The following CADPS2 variants were observed in gnomAD, a reference collection of about 807,000 sequenced individuals.
The protein encoded by CADPS2 is calcium-dependent secretion activator 2.
A neutral mutation model predicts 172.5 loss-of-function variants in CADPS2; 93 were observed. The ratio of observed to expected loss-of-function variants is 0.54; its 90% CI spans 0.46 to 0.64. CADPS2 has a LOEUF of 0.64. CADPS2 is among the 30% of genes least tolerant of loss of function. The pLI is 0.00. For missense variants in CADPS2, 1,420 were observed against 1,565.9 expected (o/e 0.91, Z 1.57); for synonymous variants, 546 against 555.2 (o/e 0.98, Z 0.23).
chr7:122,844,336 C>T (rs1426671931), intron 1 of CADPS2, among the ~76,000 whole-genome samples: 1 of 152,168 alleles, frequency 6.6e-6, no homozygotes, highest in Admixed American at 6.5e-5. Flanking sequence ...AAAAACATCC[C>T]GCTTGCCCTT....
chr7:122,541,790 T>C (rs1440638883), intron 8 of CADPS2, among the ~76,000 whole-genome samples: 28 of 114,108 alleles, frequency 2.5e-4, no homozygotes, highest in Admixed American at 2.4e-3. Flanking sequence ...TTCATATATT[T>C]ATATATTCAT....
intron 1 of CADPS2, among the ~76,000 whole-genome samples, chr7:122,756,960 T>C (rs2093188874): frequency 6.6e-6 from 1 of 151,540 alleles, no homozygotes; most frequent in African/African-American, 2.4e-5. Flanking sequence ...CTCAAGTTCA[T>C]ATCTTTAAGT....
chr7:122,648,553 G>A (rs374716260), intron 3 of CADPS2, among the ~76,000 whole-genome samples: 2 of 151,774 alleles, frequency 1.3e-5, no homozygotes, highest in South Asian at 2.1e-4. Context: ...CGAGTAGAAC[G>A]GGCACTGTGT....
chr7:122,578,162 C>T (rs1044466933), intron 7 of CADPS2, among the ~76,000 whole-genome samples: 7 of 150,570 alleles, frequency 4.6e-5, no homozygotes, highest in African/African-American at 1.7e-4. Flanking sequence ...TGTATATATA[C>T]ACACATACAT....
intron 1 of CADPS2, among the ~76,000 whole-genome samples, chr7:122,792,611 A>G (rs948160393): frequency 2.8e-4 from 43 of 152,218 alleles, no homozygotes; most frequent in African/African-American, 1.0e-3. Flanking sequence ...AGATACACCT[A>G]TAAGATTAAC....
At chr7:122,645,658 GATATATATAT>G (rs71161314) in intron 3 of CADPS2, among the ~76,000 whole-genome samples, 7 of 106,656 alleles carry the variant, frequency 6.6e-5, no homozygotes, top group Admixed American at 4.2e-4. Flanking sequence ...ATATCTCTAA[GATATATATAT>G]ATATATATAT....
intron 2 of CADPS2, among the ~76,000 whole-genome samples, chr7:122,712,948 T>TG (rs1235795914): frequency 3.3e-5 from 5 of 151,942 alleles, no homozygotes; most frequent in African/African-American, 1.2e-4. Flanking sequence ...ACCATCACCT[T>TG]GGGGGTCAAG....
At chr7:122,756,506 A>C (rs2093167640) in intron 1 of CADPS2, among the ~76,000 whole-genome samples, 1 of 152,214 alleles carries the variant, frequency 6.6e-6, no homozygotes, top group Non-Finnish European at 1.5e-5. Context: ...GAAGACATAG[A>C]TGTTACAGAA....
intron 7 of CADPS2, among the ~76,000 whole-genome samples, chr7:122,558,117 G>A (rs960703914): frequency 6.6e-6 from 1 of 152,128 alleles, no homozygotes; most frequent in African/African-American, 2.4e-5. Flanking sequence ...CGACTTTCTT[G>A]TTATAGCATT....
intron 1 of CADPS2, among the ~76,000 whole-genome samples, chr7:122,819,466 G>A (rs1802484822): frequency 6.6e-6 from 1 of 152,050 alleles, no homozygotes; most frequent in Non-Finnish European, 1.5e-5. Flanking sequence ...TCTCACAATG[G>A]AAGGTAAGCC....
At chr7:122,404,049 AGTAACATAT>A (rs1202901081) in intron 20 of CADPS2, among the ~76,000 whole-genome samples, 1 of 152,116 alleles carries the variant, frequency 6.6e-6, no homozygotes, top group Non-Finnish European at 1.5e-5. Flanking sequence ...TGTGCAGGTT[AGTAACATAT>A]GTATACACGT....
intron 27 of CADPS2, chr7:122,357,432 C>T (rs1476729747): frequency 6.6e-6 from 1 of 152,114 alleles, no homozygotes. Flanking sequence ...CATACATTCA[C>T]AATAGAATTA....
chr7:122,405,141 A>T (rs2046488066), intron 20 of CADPS2, among the ~76,000 whole-genome samples: 1 of 152,108 alleles, frequency 6.6e-6, no homozygotes, highest in Non-Finnish European at 1.5e-5. Flanking sequence ...CAAAAAAACA[A>T]AACAAAACAA....
At chr7:122,737,152 T>G (rs1463140406) in intron 1 of CADPS2, 84 bp from the exon 2 acceptor site, 24 of 701,898 alleles carry the variant, frequency 3.4e-5, no homozygotes, top group Non-Finnish European at 5.5e-5. Context: ...TTGCTGTATA[T>G]TAGATTTCAC....
intron 1 of CADPS2, among the ~76,000 whole-genome samples, chr7:122,789,534 A>G (rs997993204): frequency 2.0e-5 from 3 of 152,302 alleles, no homozygotes; most frequent in Admixed American, 6.5e-5. Context: ...ACCTCAAAAC[A>G]TCTTTAGTTC....
At chr7:122,497,472 C>T (rs2058832772) in intron 9 of CADPS2, among the ~76,000 whole-genome samples, 1 of 152,054 alleles carries the variant, frequency 6.6e-6, no homozygotes, top group African/African-American at 2.4e-5. Context: ...TCACTGATTC[C>T]TTAAATCTTG....
At chr7:122,601,681 G>A (rs896740524) in intron 6 of CADPS2, among the ~76,000 whole-genome samples, 8 of 151,798 alleles carry the variant, frequency 5.3e-5, no homozygotes, top group Admixed American at 3.9e-4. Context: ...AGACGTGTAA[G>A]TGCAAAAAAA....
intron 7 of CADPS2, among the ~76,000 whole-genome samples, chr7:122,560,693 C>A (rs1323148363): frequency 6.6e-6 from 1 of 152,200 alleles, no homozygotes; most frequent in Non-Finnish European, 1.5e-5. Context: ...TAGAGCCTAT[C>A]TCTACAAGAA....
rs911503345 is a variant in CADPS2, at chr7:122,438,628, T to TA, written c.2353-165dup. 1.3e-5 allele frequency among the ~76,000 whole-genome samples: 2 copies of TA among 152,070 alleles called. 1 individual carries two copies. Among genetic ancestry groups the TA allele is most frequent in the African/African-American group, 4.8e-5 (2 of 41,422 alleles). Reference sequence around the variant, plus strand: ...GGGTCCTAGGTAACCTGGGGGGATGTAATGGGTCTGCAATGCACTTCCCAA... The same window carrying TA: ...GGGTCCTAGGTAACCTGGGGGGATGTAAATGGGTCTGCAATGCACTTCCCAA... On this transcript the variant is annotated intron_variant, in intron 16 of 29. Coordinates refer to ENST00000449022, the MANE Select transcript of CADPS2 (RefSeq NM_017954.11).
Sources: allele counts gnomAD v4.1 joint callset (sites outside exome capture counted in the v4.1 genomes callset), GRCh38; gene constraint gnomAD v4.1.1; transcripts MANE v1.5; gene names NCBI Gene and HGNC (gene_info 2026-07-23, HGNC 2026-07-21).